Variants in THSD7B observed in about 807,000 individuals in gnomAD.
THSD7B encodes the protein thrombospondin type-1 domain-containing protein 7B.
In THSD7B, 138 loss-of-function variants were observed where a neutral mutation model predicts 213.6. The ratio of observed to expected loss-of-function variants is 0.65; its 90% CI spans 0.56 to 0.74. The LOEUF (loss-of-function observed/expected upper bound fraction) is 0.74, where lower values mean the gene tolerates loss of function less well. THSD7B is among the 30% of genes least tolerant of loss of function. The probability of loss-of-function intolerance (pLI) is 0.00; values close to 1 mark genes in which losing one functional copy is unlikely to be tolerated. For missense variants in THSD7B, 1,931 were observed against 1,991.5 expected, an observed-to-expected ratio of 0.97 and a Z score of 0.58; for synonymous variants, 742 against 687.0, an observed-to-expected ratio of 1.08 and a Z score of -1.25.
chr2:137,563,203 C>A lies in THSD7B; in HGVS notation c.3139-18C>A, dbSNP rs773871007. The stretch of plus-strand genomic sequence containing the variant: ...TGGATAGTTCCACATAATTTTGTTT[C>A]TTTCCTGTTCTTGACAGGTACATGA... On this transcript the variant is annotated intron_variant, in intron 15 of 27. Transcript: ENST00000409968. The A allele has an allele frequency of 4.7e-5, 76 of 1,608,188 alleles. 1 individual carries two copies. In the South Asian group the frequency reaches 8.2e-4, roughly 17 times the overall value.
At chr2:137,363,484 C>G (rs1685322443) in intron 12 of THSD7B, among the ~76,000 whole-genome samples, 4 of 152,130 alleles carry the variant, frequency 2.6e-5, no homozygotes, top group Middle Eastern at 6.8e-3. Flanking sequence ...AATTGATAGA[C>G]TGCTAGCAAG....
chr2:137,041,305 G>A (rs1686877596), intron 2 of THSD7B, among the ~76,000 whole-genome samples: 1 of 152,158 alleles, frequency 6.6e-6, no homozygotes, highest in Non-Finnish European at 1.5e-5. Flanking sequence ...TGAGGTTGTT[G>A]ATGATGGGAT....
At chr2:137,064,212 G>A (rs779745709) in intron 3 of THSD7B, among the ~76,000 whole-genome samples, 1 of 152,028 alleles carries the variant, frequency 6.6e-6, no homozygotes, top group Admixed American at 6.6e-5. Flanking sequence ...ACTGGGATGA[G>A]ATGATATCTC....
chr2:136,914,705 C>A (rs1684323309), intron 2 of THSD7B, among the ~76,000 whole-genome samples: 1 of 152,158 alleles, frequency 6.6e-6, no homozygotes, highest in Middle Eastern at 3.2e-3. Flanking sequence ...GCCTTTCACC[C>A]CCCACCATAA....
chr2:137,192,310 T>C (rs534065839), intron 7 of THSD7B, among the ~76,000 whole-genome samples: 20 of 152,272 alleles, frequency 1.3e-4, no homozygotes, highest in African/African-American at 4.8e-4. Flanking sequence ...TATATTATAG[T>C]ATAGGCAGTG....
chr2:137,249,059 TA>T (rs1327013633), intron 10 of THSD7B, among the ~76,000 whole-genome samples: 4 of 152,242 alleles, frequency 2.6e-5, no homozygotes, highest in Admixed American at 2.0e-4. Flanking sequence ...GCTCAATAAA[TA>T]TTCCTGATAA....
At chr2:137,527,544 A>T (rs1573686369) in intron 15 of THSD7B, among the ~76,000 whole-genome samples, 1 of 151,474 alleles carries the variant, frequency 6.6e-6, no homozygotes, top group Non-Finnish European at 1.5e-5. Flanking sequence ...CCATTTTGAA[A>T]CTCCTTTTTT....
intron 1 of THSD7B, among the ~76,000 whole-genome samples, chr2:136,771,003 G>A (rs1385718978): frequency 5.3e-5 from 8 of 151,948 alleles, no homozygotes; most frequent in Admixed American, 5.2e-4. Flanking sequence ...TTCTCACCCA[G>A]GTCATCTGCC....
intron 2 of THSD7B, among the ~76,000 whole-genome samples, chr2:136,970,072 C>G (rs1685380121): frequency 6.6e-6 from 1 of 151,940 alleles, no homozygotes; most frequent in African/African-American, 2.4e-5. Flanking sequence ...TATCAGGATG[C>G]TTTAAAAATA....
intron 1 of THSD7B, among the ~76,000 whole-genome samples, chr2:136,806,059 AG>A (rs1682276798): frequency 6.6e-6 from 1 of 152,222 alleles, no homozygotes; most frequent in African/African-American, 2.4e-5. Flanking sequence ...GGAGTCCCTC[AG>A]GGAAATTCAG....
intron 12 of THSD7B, among the ~76,000 whole-genome samples, chr2:137,288,842 A>G (rs1683248381): frequency 1.3e-5 from 2 of 151,746 alleles, no homozygotes; most frequent in African/African-American, 4.8e-5. Flanking sequence ...TTTGAAGTTG[A>G]TGCCATTTTC....
At chr2:137,569,918 A>C (rs145793931) in intron 16 of THSD7B, among the ~76,000 whole-genome samples, 1 of 152,188 alleles carries the variant, frequency 6.6e-6, no homozygotes, top group African/African-American at 2.4e-5. Flanking sequence ...ATTAACCAGA[A>C]GTCTTCCCTC....
intron 1 of THSD7B, among the ~76,000 whole-genome samples, chr2:136,874,980 T>C (rs1268438538): frequency 1.3e-5 from 2 of 152,218 alleles, no homozygotes; most frequent in African/African-American, 4.8e-5. Context: ...TCCTCTCATT[T>C]TGTTTATGGT....
rs1018775997 is a variant in THSD7B, at chr2:137,310,701, C to A, written c.2500+34675C>A. Among the ~76,000 whole-genome samples, 6 of 152,008 alleles carry A rather than the reference C, an allele frequency of 3.9e-5. 1 individual carries two copies. In the South Asian group the frequency reaches 1.1e-3, roughly 27 times the overall value. On this transcript the variant is annotated intron_variant, in intron 12 of 27. Transcript: ENST00000409968. ...TTTGTATAAGGCATAAGGAAGGGATCCAGTTTCAGCTTTCTACATATGGCT... is the reference window on the plus strand; with the variant it reads ...TTTGTATAAGGCATAAGGAAGGGATACAGTTTCAGCTTTCTACATATGGCT...
chr2:137,540,940 T>TCTCA (rs531934949), intron 15 of THSD7B, among the ~76,000 whole-genome samples: 184 of 151,740 alleles, frequency 1.2e-3, no homozygotes, highest in African/African-American at 4.2e-3. Context: ...GACCCTAAGA[T>TCTCA]CTCACCTCAG....
intron 9 of THSD7B, among the ~76,000 whole-genome samples, chr2:137,240,780 G>A (rs1034932285): frequency 6.6e-5 from 10 of 152,132 alleles, no homozygotes; most frequent in African/African-American, 1.2e-4. Context: ...CTCCCAAAGC[G>A]TTGGGATTAC....
chr2:137,151,020 C>G (rs1648763854), intron 5 of THSD7B, among the ~76,000 whole-genome samples: 2 of 152,142 alleles, frequency 1.3e-5, no homozygotes, highest in Non-Finnish European at 2.9e-5. Flanking sequence ...CTGGGTGAAT[C>G]AGTGAGTGAG....
chr2:137,282,695 G>T (rs1050042684), intron 12 of THSD7B, among the ~76,000 whole-genome samples: 4 of 152,136 alleles, frequency 2.6e-5, no homozygotes, highest in African/African-American at 9.7e-5. Flanking sequence ...TGTCAGGTTT[G>T]TCAAAGATCA....
At chr2:137,374,946 TC>T (rs1244255497) in intron 12 of THSD7B, among the ~76,000 whole-genome samples, 2 of 152,190 alleles carry the variant, frequency 1.3e-5, no homozygotes, top group Non-Finnish European at 2.9e-5. Flanking sequence ...TGTTGCCTCC[TC>T]AGGTTGTGCT....
Sources: allele counts gnomAD v4.1 joint callset (sites outside exome capture counted in the v4.1 genomes callset), GRCh38; gene constraint gnomAD v4.1.1; transcripts MANE v1.5; gene names NCBI Gene and HGNC (gene_info 2026-07-23, HGNC 2026-07-21).